The following COL19A1 variants were observed in gnomAD, a reference collection of about 807,000 sequenced individuals.
COL19A1 encodes the protein collagen alpha-1(XIX) chain.
A neutral mutation model predicts 190.2 loss-of-function variants in COL19A1; 159 were observed. The ratio of observed to expected loss-of-function variants is 0.84; its 90% CI spans 0.73 to 0.95. The LOEUF (loss-of-function observed/expected upper bound fraction) is 0.95. COL19A1 is among the 40% of genes least tolerant of loss of function. COL19A1 has a pLI of 0.00. For missense variants in COL19A1, 1,418 were observed against 1,431.9 expected, an observed-to-expected ratio of 0.99 and a Z score of 0.16; for synonymous variants, 509 against 458.9, an observed-to-expected ratio of 1.11 and a Z score of -1.39.
At chr6:69,915,413 G>T (rs1370732975) in intron 4 of COL19A1, among the ~76,000 whole-genome samples, 3 of 152,114 alleles carry the variant, frequency 2.0e-5, no homozygotes, top group African/African-American at 7.2e-5. Context: ...CTAACCATTG[G>T]AAGGGAGTCT....
intron 23 of COL19A1, among the ~76,000 whole-genome samples, chr6:70,143,525 C>CAACT (rs1786399270): frequency 6.6e-6 from 1 of 152,090 alleles, no homozygotes; most frequent in Non-Finnish European, 1.5e-5. Flanking sequence ...TCCCTCCAGG[C>CAACT]AACTCTTAGG....
intron 49 of COL19A1, among the ~76,000 whole-genome samples, chr6:70,201,613 CA>C (rs1258771115): frequency 6.6e-6 from 1 of 152,214 alleles, no homozygotes; most frequent in Non-Finnish European, 1.5e-5. Flanking sequence ...TGACAACAGA[CA>C]TATCTTGACT....
At chr6:70,075,800 A>G (rs916812562) in intron 15 of COL19A1, among the ~76,000 whole-genome samples, 2 of 152,226 alleles carry the variant, frequency 1.3e-5, no homozygotes, top group African/African-American at 4.8e-5. Context: ...ATTGTAAGCA[A>G]TGATTTTGTT....
intron 11 of COL19A1, among the ~76,000 whole-genome samples, chr6:69,972,951 A>G (rs1447330637): frequency 6.6e-6 from 1 of 152,130 alleles, no homozygotes; most frequent in Non-Finnish European, 1.5e-5. Flanking sequence ...TGGGCTGTTG[A>G]CTGTAGTGAA....
At chr6:70,196,717 T>TTGCA (rs754162053) in intron 48 of COL19A1, among the ~76,000 whole-genome samples, 5 of 152,242 alleles carry the variant, frequency 3.3e-5, no homozygotes, top group Admixed American at 6.5e-5. Context: ...AAATGTGTGT[T>TTGCA]TGGTTTATGC....
chr6:70,199,864 G>A, intron 49 of COL19A1, 128 bp downstream of exon 49: 1 of 822,726 alleles, frequency 1.2e-6, no homozygotes, highest in Non-Finnish European at 1.8e-6. Flanking sequence ...ATAAATATAT[G>A]CAATATATAA....
At chr6:69,993,802 G>A (rs562984841) in intron 11 of COL19A1, among the ~76,000 whole-genome samples, 251 of 151,924 alleles carry the variant, frequency 1.7e-3, no homozygotes, top group African/African-American at 5.6e-3. Context: ...CAGTGGTTAC[G>A]TCCCTTTTGT....
intron 18 of COL19A1, among the ~76,000 whole-genome samples, chr6:70,136,950 G>A (rs1179461265): frequency 6.6e-6 from 1 of 152,062 alleles, no homozygotes; most frequent in African/African-American, 2.4e-5. Context: ...AATTGTGTAG[G>A]TATTCAGAGA....
intron 16 of COL19A1, among the ~76,000 whole-genome samples, chr6:70,112,898 C>A (rs1300781492): frequency 6.6e-6 from 1 of 152,156 alleles, no homozygotes; most frequent in Non-Finnish European, 1.5e-5. Context: ...AGGCCAGAAG[C>A]AGACAAGCCC....
intron 15 of COL19A1, among the ~76,000 whole-genome samples, chr6:70,094,386 G>A (rs1322329923): frequency 6.6e-6 from 1 of 152,164 alleles, no homozygotes; most frequent in Non-Finnish European, 1.5e-5. Flanking sequence ...CTGAGCTGAT[G>A]CCTAACAGTG....
At position 69,928,006 on chromosome 6, in the gene COL19A1, G is replaced by A. The variant is rs1346059111; in HGVS notation, c.364G>A (p.Val122Ile). 1.9e-6 allele frequency: 3 copies of A among 1,613,078 alleles called. No individual in the cohort carries two copies. Among genetic ancestry groups the A allele is most frequent in the Non-Finnish European group, 2.5e-6 (3 of 1,179,464 alleles). ...AAAGGAACGGTGGTTTCTGTGGCAG[G>A]TTTTAAACCAGCAGAATATTCCACA... ...AKKERWFLWQ[V>I]LNQQNIPQIS... The change falls in exon 5 of 51, where the codon GTT becomes ATT. Residue 122 changes from valine to isoleucine, a missense_variant. Physicochemically the swap from Val to Ile is conservative, Grantham distance 29. Transcript: ENST00000620364.
intron 11 of COL19A1, among the ~76,000 whole-genome samples, chr6:69,983,264 C>A (rs764256433): frequency 2.0e-5 from 3 of 151,908 alleles, no homozygotes; most frequent in African/African-American, 4.8e-5. Flanking sequence ...AGGTATTTGA[C>A]GTTTTTGATG....
chr6:70,205,560 T>A (rs1413898610), intron 49 of COL19A1, among the ~76,000 whole-genome samples: 1 of 152,228 alleles, frequency 6.6e-6, no homozygotes, highest in Non-Finnish European at 1.5e-5. Flanking sequence ...TCTGTCCATT[T>A]AGGACAAGGA....
chr6:70,187,815 G>A (rs1411800194), intron 46 of COL19A1, among the ~76,000 whole-genome samples: 1 of 151,776 alleles, frequency 6.6e-6, no homozygotes. Flanking sequence ...TATCTTTTAT[G>A]TATTAAGTAC....
chr6:70,157,338 T>C (rs1787501435), intron 34 of COL19A1, among the ~76,000 whole-genome samples: 1 of 152,154 alleles, frequency 6.6e-6, no homozygotes, highest in African/African-American at 2.4e-5. Context: ...CTGTAAGCCA[T>C]GGTGATGCTC....
At chr6:70,155,834 G>A (rs983027252) in intron 31 of COL19A1, among the ~76,000 whole-genome samples, 1 of 152,000 alleles carries the variant, frequency 6.6e-6, no homozygotes, top group African/African-American at 2.4e-5. Flanking sequence ...CTTGACTTAT[G>A]TGTCTTTTCC....
intron 31 of COL19A1, among the ~76,000 whole-genome samples, chr6:70,154,408 G>A (rs1222709992): frequency 2.0e-5 from 3 of 152,026 alleles, no homozygotes; most frequent in African/African-American, 7.2e-5. Context: ...GAACAGTGCT[G>A]CAATAAACAT....
chr6:70,036,898 T>A (rs1328934547), intron 14 of COL19A1, among the ~76,000 whole-genome samples: 1 of 152,152 alleles, frequency 6.6e-6, no homozygotes, highest in Non-Finnish European at 1.5e-5. Flanking sequence ...TTTATCTTTG[T>A]ACTTAAAAAT....
chr6:69,883,495 TC>T (rs1475841022), intron 2 of COL19A1, among the ~76,000 whole-genome samples: 2 of 152,362 alleles, frequency 1.3e-5, no homozygotes, highest in East Asian at 3.9e-4. Flanking sequence ...ATTGTATTAT[TC>T]ATAATACATT....
Sources: allele counts gnomAD v4.1 joint callset (sites outside exome capture counted in the v4.1 genomes callset), GRCh38; gene constraint gnomAD v4.1.1; transcripts MANE v1.5; gene names NCBI Gene and HGNC (gene_info 2026-07-23, HGNC 2026-07-21).